Variants in AP2A1 observed in about 807,000 individuals in gnomAD.
AP2A1 encodes adaptor related protein complex 2 subunit alpha 1.
A neutral mutation model predicts 107.3 loss-of-function variants in AP2A1; 21 were observed. The ratio of observed to expected loss-of-function variants is 0.20; its 90% confidence interval spans 0.14 to 0.28. The LOEUF (loss-of-function observed/expected upper bound fraction) is 0.28, where lower values mean the gene tolerates loss of function less well. AP2A1 is among the 10% of genes least tolerant of loss of function. The pLI is 1.00. For synonymous variants in AP2A1, 602 were observed against 564.8 expected (o/e 1.07, Z -0.93); for missense variants, 873 against 1,307.7 (o/e 0.67, Z 5.13).
At chr19:49,802,241 G>T (rs1331518158) in intron 15 of AP2A1, 100 bp downstream of exon 15, 1 of 680,038 alleles carries the variant, frequency 1.5e-6, no homozygotes, top group Non-Finnish European at 2.2e-6. Context: ...CCCCGCCCCC[G>T]ACTCGCTCCT....
chr19:49,806,553 T>C (rs545601920), intron 22 of AP2A1, 128 bp from the exon 23 acceptor site: 95 of 1,491,632 alleles, frequency 6.4e-5, no homozygotes, highest in Non-Finnish European at 3.5e-5. Flanking sequence ...CAGTCTTACA[T>C]TTTTCTCTCC....
At chr19:49,769,560 G>A (rs1226547684) in intron 1 of AP2A1, among the ~76,000 whole-genome samples, 1 of 152,144 alleles carries the variant, frequency 6.6e-6, no homozygotes, top group African/African-American at 2.4e-5. Flanking sequence ...CGAGCGAGAG[G>A]GAGAAGGTCA....
chr19:49,795,843 AT>A, intron 7 of AP2A1, 105 bp downstream of exon 7: 1 of 906,702 alleles, frequency 1.1e-6, no homozygotes, highest in Non-Finnish European at 1.7e-6. Flanking sequence ...CTGGGTCAGG[AT>A]TTCTCTGAAG....
intron 1 of AP2A1, among the ~76,000 whole-genome samples, chr19:49,767,978 G>A (rs993049805): frequency 6.6e-6 from 1 of 151,870 alleles, no homozygotes. Context: ...GACAGGGAAC[G>A]GGGGGCCAGG....
At position 49,772,246 on chromosome 19, in the gene AP2A1, G is replaced by GTTTTTTTTTTTTT. The variant is rs71180653; in HGVS notation, c.67+5065_67+5077dup. Among the ~76,000 whole-genome samples, 3 of 56,154 alleles carry GTTTTTTTTTTTTT rather than the reference G, an allele frequency of 5.3e-5. 1 individual carries two copies. Among genetic ancestry groups the GTTTTTTTTTTTTT allele is most frequent in the African/African-American group, 2.1e-4 (3 of 14,524 alleles). The allele number at this position is 56,154 out of a possible 152,430, so 36.8% of individuals were successfully genotyped here. On this transcript the variant is annotated intron_variant, in intron 1 of 22. Transcript: ENST00000354293. ...CAAATTTTTTTGTATTTTTCATAGA[G>GTTTTTTTTTTTTT]TTTTTTTTTTTTTTTTTTTTTTTTT...
At chr19:49,786,707 A>G (rs2084741500) in intron 4 of AP2A1, among the ~76,000 whole-genome samples, 1 of 152,238 alleles carries the variant, frequency 6.6e-6, no homozygotes. Context: ...AAATGCTGCC[A>G]GCAGTTTCTT....
At chr19:49,779,846 T>TGGC (rs1404567892) in intron 1 of AP2A1, among the ~76,000 whole-genome samples, 1 of 152,252 alleles carries the variant, frequency 6.6e-6, no homozygotes, top group Non-Finnish European at 1.5e-5. Flanking sequence ...AGCCACTGGC[T>TGGC]GGCAACTGCT....
intron 1 of AP2A1, among the ~76,000 whole-genome samples, chr19:49,771,389 C>CTGAATTG (rs1481725930): frequency 2.0e-5 from 3 of 150,470 alleles, no homozygotes; most frequent in African/African-American, 7.3e-5. Flanking sequence ...CTAAAGAACG[C>CTGAATTG]TGAATTGTTC....
At chr19:49,795,776 T>C (rs1165903053) in intron 7 of AP2A1, 38 bp downstream of exon 7, 2 of 1,444,182 alleles carry the variant, frequency 1.4e-6, no homozygotes, top group Non-Finnish European at 1.9e-6. Context: ...CGGGGTGGCC[T>C]GCTGCTGGCA....
chr19:49,779,487 C>CA (rs370114853), intron 1 of AP2A1, among the ~76,000 whole-genome samples: 4,094 of 84,000 alleles, frequency 0.049, 363 homozygotes, highest in African/African-American at 0.089. Context: ...GCCTGGGCTA[C>CA]AAAAAAAAAA....
At chr19:49,802,687 A>G (rs2073304945) in intron 15 of AP2A1, 4 of 1,305,780 alleles carry the variant, frequency 3.1e-6, no homozygotes, top group Non-Finnish European at 4.1e-6. Context: ...GCCCTCGTCA[A>G]CGGGTTCCTG....
chr19:49,796,613 G>A (rs565433083), intron 7 of AP2A1: 1 of 152,430 alleles, frequency 6.6e-6, no homozygotes, highest in East Asian at 1.9e-4. Flanking sequence ...GCGTTCGCCT[G>A]TGTGTGTCGA....
Position 49,767,011 on chromosome 19 carries a change from C to T in AP2A1, c.-123C>T, listed in dbSNP as rs2084508878. On this transcript the variant is annotated 5_prime_UTR_variant, in exon 1 of 23. Coordinates refer to ENST00000354293, the MANE Select transcript of AP2A1 (RefSeq NM_130787.3). Reference sequence around the variant, plus strand: ...CCCGCCCGCCCGCCCGCCAGCCAGCCCTCCCCGCGGCCGGCTCGGCTCCTT... The same window carrying T: ...CCCGCCCGCCCGCCCGCCAGCCAGCTCTCCCCGCGGCCGGCTCGGCTCCTT... 2.9e-6 allele frequency: 3 copies of T among 1,025,896 alleles called. No homozygotes were observed. Among genetic ancestry groups the T allele is most frequent in the Non-Finnish European group, 3.9e-6 (3 of 771,258 alleles). 63.5% of individuals were successfully genotyped at this position (1,025,896 alleles called of 1,614,324 possible).
Position 49,806,810 on chromosome 19 carries a change from C to G in AP2A1, c.*52C>G. On this transcript the variant is annotated 3_prime_UTR_variant, in exon 23 of 23. Transcript: ENST00000354293. ...GGCCGGCACTGGGCAGCCCCTTGGA[C>G]TGAGGCAGTTTTGGTGGATGGGGGA... 2 of 1,610,798 alleles carry G rather than the reference C, an allele frequency of 1.2e-6. No homozygotes were observed. The highest frequency in any genetic ancestry group is 1.7e-6 in the Non-Finnish European group (2 of 1,178,826).
chr19:49,803,063 T>A lies in AP2A1; in HGVS notation c.2172-44T>A, dbSNP rs766930570. The A allele has an allele frequency of 6.2e-6, 10 of 1,613,658 alleles. No homozygotes were observed. In the South Asian group the frequency reaches 1.1e-4, roughly 18 times the overall value. ...GGACAGGTGCGGAGCCCAGGCCAGG[T>A]GCAGACAGGCACCCCCGTCATCTTG... is the stretch of plus-strand genomic sequence containing the variant. On this transcript the variant is annotated intron_variant, in intron 16 of 22. Coordinates refer to ENST00000354293, the MANE Select transcript of AP2A1 (RefSeq NM_130787.3).
intron 4 of AP2A1, among the ~76,000 whole-genome samples, chr19:49,790,526 G>C (rs2073128843): frequency 6.6e-6 from 1 of 152,136 alleles, no homozygotes; most frequent in South Asian, 2.1e-4. Context: ...AGCCTGCCAA[G>C]TAGGTGGGTC....
At chr19:49,792,945 A>G in intron 5 of AP2A1, 46 bp from the exon 6 acceptor site, 1 of 1,508,312 alleles carries the variant, frequency 6.6e-7, no homozygotes, top group South Asian at 1.2e-5. Context: ...GCTCTCAGGT[A>G]CCACCTCCCC....
intron 4 of AP2A1, among the ~76,000 whole-genome samples, chr19:49,787,893 G>A (rs1334423110): frequency 6.6e-6 from 1 of 152,154 alleles, no homozygotes; most frequent in Non-Finnish European, 1.5e-5. Flanking sequence ...GGCCTTCTGT[G>A]TCTGGCTTCT....
rs1330343235 is a variant in AP2A1 at position 49,781,915 on chromosome 19, C to G, written c.137-32C>G. 4 of 1,604,872 alleles carry G rather than the reference C, an allele frequency of 2.5e-6. No homozygotes were observed. In the African/African-American group the frequency reaches 4.1e-5, roughly 16 times the overall value. On this transcript the variant is annotated intron_variant, in intron 2 of 22. Coordinates refer to ENST00000354293, the MANE Select transcript of AP2A1 (RefSeq NM_130787.3). The stretch of plus-strand genomic sequence containing the variant: ...CCTATCCTGTGACCCTTCCTTATTT[C>G]TGGCTCCCCTTTCCTCCTTCCTCTG...
Sources: allele counts gnomAD v4.1 joint callset (sites outside exome capture counted in the v4.1 genomes callset), GRCh38; gene constraint gnomAD v4.1.1; transcripts MANE v1.5; gene names NCBI Gene and HGNC (gene_info 2026-07-23, HGNC 2026-07-21).